The following KIF16B variants were observed in gnomAD, a reference collection of about 807,000 sequenced individuals.
The protein encoded by KIF16B is kinesin-like protein KIF16B.
Under a neutral mutation model 156.3 loss-of-function variants are expected in KIF16B, and 98 were observed. That is an observed-to-expected ratio of 0.63 (90% CI 0.53 to 0.74). The LOEUF (loss-of-function observed/expected upper bound fraction) is 0.74, where lower values mean the gene tolerates loss of function less well. Ranked by LOEUF, KIF16B falls within the 30% of genes least tolerant of loss-of-function variation. The pLI, the probability that KIF16B is intolerant of heterozygous loss-of-function variation, is 0.00. For missense variants in KIF16B, 1,421 were observed against 1,606.5 expected (o/e 0.88, Z 1.97); for synonymous variants, 564 against 583.7 (o/e 0.97, Z 0.49).
chr20:16,524,883 G>A (rs1226066091), intron 3 of KIF16B, among the ~76,000 whole-genome samples: 1 of 152,092 alleles, frequency 6.6e-6, no homozygotes, highest in Non-Finnish European at 1.5e-5. Context: ...GCAGGGACTC[G>A]GATGAAGCTG....
rs931406921 is a variant in KIF16B at position 16,522,891 on chromosome 20, A to C, written c.231+3201T>G. 3.3e-5 allele frequency among the ~76,000 whole-genome samples: 5 copies of C among 152,320 alleles called. No individual in the cohort carries two copies. The East Asian group carries it at 9.6e-4, about 29-fold the overall frequency. On this transcript the variant is annotated intron_variant, in intron 3 of 25. Coordinates refer to ENST00000354981, the MANE Select transcript of KIF16B (RefSeq NM_024704.5). ...CACTCAAAACCGCACAATCACATGG[A>C]AACTGAACAATCCATCACATAAACA...
At chr20:16,471,262 G>A (rs990670306) in intron 12 of KIF16B, among the ~76,000 whole-genome samples, 4 of 152,092 alleles carry the variant, frequency 2.6e-5, no homozygotes, top group African/African-American at 9.7e-5. Flanking sequence ...GGGCAACACT[G>A]AAAAAATTCC....
intron 23 of KIF16B, among the ~76,000 whole-genome samples, chr20:16,339,782 T>G (rs923140642): frequency 6.6e-6 from 1 of 152,206 alleles, no homozygotes; most frequent in African/African-American, 2.4e-5. Flanking sequence ...CTTGCCAAGC[T>G]TCCAAAATAG....
intron 12 of KIF16B, among the ~76,000 whole-genome samples, chr20:16,487,238 C>A (rs908792701): frequency 6.7e-6 from 1 of 149,728 alleles, no homozygotes. Flanking sequence ...GGTGACAGAT[C>A]GAGACTCCAT....
chr20:16,569,463 C>T (rs1163281680), intron 1 of KIF16B, among the ~76,000 whole-genome samples: 1 of 152,200 alleles, frequency 6.6e-6, no homozygotes, highest in Non-Finnish European at 1.5e-5. Context: ...ATTACTGCCA[C>T]ATAATTGAAA....
At chr20:16,554,329 G>C (rs1325298898) in intron 1 of KIF16B, among the ~76,000 whole-genome samples, 2 of 152,184 alleles carry the variant, frequency 1.3e-5, no homozygotes, top group Non-Finnish European at 2.9e-5. Context: ...CAGCTGCCGA[G>C]AGGATTTACC....
In KIF16B at chr20:16,513,617, G is replaced by A. The variant is rs147448035; in HGVS notation, c.349-694C>T. Among the ~76,000 whole-genome samples, 581 of 143,258 alleles carry A rather than the reference G, an allele frequency of 4.1e-3. 5 individuals are homozygous for A. The highest frequency in any genetic ancestry group is 0.025 in the East Asian group (113 of 4,588). The allele number at this position is 143,258 out of a possible 152,430, so 94.0% of individuals were successfully genotyped here. A position where few individuals can be genotyped will look rare whatever the true frequency, so the allele number is the denominator to read the frequency against. ...AGAGGTTGCAGTGAGCCAAGATTGC[G>A]CCATTGCATTCCAGCCTAGGCAACA... On this transcript the variant is annotated intron_variant, in intron 4 of 25. Transcript: ENST00000354981.
chr20:16,424,001 GGCAGAGACAGCCTC>G (rs1179471384), intron 15 of KIF16B, among the ~76,000 whole-genome samples: 2 of 152,086 alleles, frequency 1.3e-5, no homozygotes, highest in African/African-American at 4.8e-5. Context: ...CTGGGCTAAA[GGCAGAGACAGCCTC>G]CCACCATGAC....
At chr20:16,531,587 A>T (rs544055782) in intron 1 of KIF16B, among the ~76,000 whole-genome samples, 1 of 152,184 alleles carries the variant, frequency 6.6e-6, no homozygotes, top group Non-Finnish European at 1.5e-5. Context: ...CCTATAGGGA[A>T]CCAGCAGGAA....
chr20:16,514,507 T>G (rs1400807661), intron 4 of KIF16B, among the ~76,000 whole-genome samples: 1 of 150,534 alleles, frequency 6.6e-6, no homozygotes, highest in African/African-American at 2.5e-5. Flanking sequence ...CTCAATCATC[T>G]TCCACTAGTG....
chr20:16,323,744 A>C (rs1354043083), intron 24 of KIF16B, among the ~76,000 whole-genome samples: 1 of 151,898 alleles, frequency 6.6e-6, no homozygotes, highest in African/African-American at 2.4e-5. Context: ...AGGAACAGAC[A>C]GAATTCATTG....
rs573401957 is a variant in KIF16B at position 16,379,751 on chromosome 20, G to T, written c.2251C>A (p.Leu751Ile). 284 of 1,614,102 alleles carry T rather than the reference G, an allele frequency of 1.8e-4. 4 individuals are homozygous for T. The South Asian group carries it at 2.8e-3, about 16-fold the overall frequency. ...ACCTGCTCCTTCTCCTGCTCCTCTAGTCTCTTTTTTTCCAGTTCAAGCTTG... is the reference window on the plus strand; with the variant it reads ...ACCTGCTCCTTCTCCTGCTCCTCTATTCTCTTTTTTTCCAGTTCAAGCTTG... ...YAKLELEKKR[L>I]EEQEKEQVML... Residue 751 changes from leucine (L) to isoleucine (I), a missense_variant, in exon 19 of 26, where the codon CTA (leucine) becomes ATA (isoleucine). Leu to Ile is a conservative substitution (Grantham distance 5). Transcript: ENST00000354981.
At chr20:16,384,014 C>T (rs2065167120) in intron 17 of KIF16B, among the ~76,000 whole-genome samples, 1 of 152,194 alleles carries the variant, frequency 6.6e-6, no homozygotes, top group Admixed American at 6.5e-5. Context: ...TTTGACAAAG[C>T]AGGAAACTGA....
chr20:16,326,487 A>G (rs963593087), intron 24 of KIF16B, among the ~76,000 whole-genome samples: 3 of 151,908 alleles, frequency 2.0e-5, no homozygotes, highest in African/African-American at 7.3e-5. Context: ...AACCCAAATA[A>G]TCCCATCAAA....
chr20:16,365,991 G>A (rs763579034), intron 22 of KIF16B, among the ~76,000 whole-genome samples: 1 of 152,066 alleles, frequency 6.6e-6, no homozygotes, highest in Non-Finnish European at 1.5e-5. Flanking sequence ...CACCTGAGAG[G>A]GGAGAACAGT....
intron 24 of KIF16B, 149 bp from the exon 25 acceptor site, chr20:16,312,567 C>T (rs1312646407): frequency 1.6e-6 from 1 of 637,756 alleles, no homozygotes; most frequent in African/African-American, 1.8e-5. Context: ...GCTTTATCAC[C>T]AACTGTGTGA....
intron 25 of KIF16B, among the ~76,000 whole-genome samples, chr20:16,275,690 T>G (rs1478744522): frequency 6.6e-6 from 1 of 152,162 alleles, no homozygotes; most frequent in African/African-American, 2.4e-5. Context: ...AAATTGAAAT[T>G]AGGTATTGGT....
chr20:16,487,435 C>T (rs982745622), intron 12 of KIF16B, among the ~76,000 whole-genome samples: 2 of 152,030 alleles, frequency 1.3e-5, no homozygotes, highest in Non-Finnish European at 2.9e-5. Context: ...GAGCAACAGC[C>T]CCAGTTACGA....
At chr20:16,363,333 A>G (rs1189344848) in intron 22 of KIF16B, among the ~76,000 whole-genome samples, 1 of 152,194 alleles carries the variant, frequency 6.6e-6, no homozygotes, top group African/African-American at 2.4e-5. Context: ...GAGGTACTCA[A>G]ATTGAATATG....
Sources: gnomAD v4.1 joint callset for allele counts (sites outside exome capture counted in the v4.1 genomes callset) on GRCh38, gnomAD v4.1.1 for gene constraint, MANE v1.5 for transcripts, NCBI Gene and HGNC (gene_info 2026-07-23, HGNC 2026-07-21) for gene names.